Variants in LPIN1 observed in about 807,000 individuals in gnomAD.
LPIN1 encodes the protein phosphatidate phosphatase LPIN1.
Under a neutral mutation model 107.5 loss-of-function variants are expected in LPIN1, and 71 were observed. That is an observed-to-expected ratio of 0.66 (90% confidence interval 0.55 to 0.80). The LOEUF is 0.80. Ranked by LOEUF, LPIN1 falls within the 30% of genes least tolerant of loss-of-function variation. The pLI is 0.00. For missense variants in LPIN1, 1,043 were observed against 1,160.6 expected, an observed-to-expected ratio of 0.90 and a Z score of 1.47; for synonymous variants, 445 against 452.6, an observed-to-expected ratio of 0.98 and a Z score of 0.21.
intron 1 of LPIN1, among the ~76,000 whole-genome samples, chr2:11,710,722 C>T (rs1663363690): frequency 6.6e-6 from 1 of 151,708 alleles, no homozygotes; most frequent in Admixed American, 6.6e-5. Flanking sequence ...AATTTCTTGC[C>T]AAAGGCCACA....
chr2:11,712,885 TAC>T (rs1200766810), intron 1 of LPIN1, among the ~76,000 whole-genome samples: 1 of 152,242 alleles, frequency 6.6e-6, no homozygotes, highest in Admixed American at 6.5e-5. Flanking sequence ...GCATATGTCC[TAC>T]CTGCTAGGAT....
At chr2:11,822,552 A>G (rs929866832) in intron 20 of LPIN1, among the ~76,000 whole-genome samples, 3 of 152,142 alleles carry the variant, frequency 2.0e-5, no homozygotes, top group Non-Finnish European at 2.9e-5. Flanking sequence ...AGGCAGAAAG[A>G]GAGCTCGTGC....
At chr2:11,720,826 G>A (rs1664076702), upstream of LPIN1, among the ~76,000 whole-genome samples, 2 of 151,804 alleles carry the variant, frequency 1.3e-5, no homozygotes, top group African/African-American at 2.4e-5. Flanking sequence ...GCTGTCTCCC[G>A]AGGATGCTGC....
intron 1 of LPIN1, chr2:11,713,697 A>G: frequency 9.9e-7 from 1 of 1,013,058 alleles, no homozygotes; most frequent in Non-Finnish European, 1.5e-6. Flanking sequence ...TGCAACCATT[A>G]CCACCACCTA....
At position 11,826,641 on chromosome 2, in the gene LPIN1, C is replaced by G. The variant is rs1158394754; in HGVS notation, c.*1850C>G. On this transcript the variant is annotated 3_prime_UTR_variant, in exon 21 of 21. Transcript: ENST00000674199. ...TATTTTTGAGTGAATTTTAACTGCTCTGAACTAAGTATAAGCTCATGGGCC... is the reference window on the plus strand; with the variant it reads ...TATTTTTGAGTGAATTTTAACTGCTGTGAACTAAGTATAAGCTCATGGGCC... 6.6e-6 allele frequency: 1 copy of G among 151,780 alleles called. No homozygotes were observed. Among genetic ancestry groups the G allele is most frequent in the African/African-American group, 2.4e-5 (1 of 41,284 alleles). 9.4% of individuals were successfully genotyped at this position (151,780 alleles called of 1,614,324 possible). A position where few individuals can be genotyped will look rare whatever the true frequency, so the allele number is the denominator to read the frequency against.
intron 17 of LPIN1, among the ~76,000 whole-genome samples, chr2:11,810,073 C>CA (rs1679385505): frequency 6.6e-6 from 1 of 152,202 alleles, no homozygotes; most frequent in Non-Finnish European, 1.5e-5. Context: ...AGTCCAAACT[C>CA]AGAGGGAGCC....
intron 14 of LPIN1, 102 bp from the exon 15 acceptor site, chr2:11,802,805 G>C: frequency 7.2e-7 from 1 of 1,392,342 alleles, no homozygotes; most frequent in Non-Finnish European, 1.0e-6. Flanking sequence ...ACGGGACTCA[G>C]GAGAGACTGG....
chr2:11,691,084 GTTTT>G (rs59865645), intron 1 of LPIN1, among the ~76,000 whole-genome samples: 1 of 140,604 alleles, frequency 7.1e-6, no homozygotes, highest in Non-Finnish European at 1.5e-5. Context: ...TCTTGTTGTG[GTTTT>G]TTTTTTTTTT....
At chr2:11,766,648 G>T (rs1670941628) in intron 2 of LPIN1, among the ~76,000 whole-genome samples, 1 of 152,172 alleles carries the variant, frequency 6.6e-6, no homozygotes, top group African/African-American at 2.4e-5. Flanking sequence ...ACCAGCCAAG[G>T]GTGGAGTTTT....
chr2:11,763,979 GTGTGTGTGTA>G, intron 1 of LPIN1, among the ~76,000 whole-genome samples: 1 of 146,608 alleles, frequency 6.8e-6, no homozygotes, highest in East Asian at 2.0e-4. Flanking sequence ...GTGTGTGTGT[GTGTGTGTGTA>G]TATATATATA....
At chr2:11,761,454 G>T (rs555289720) in intron 1 of LPIN1, among the ~76,000 whole-genome samples, 1 of 152,206 alleles carries the variant, frequency 6.6e-6, no homozygotes, top group Non-Finnish European at 1.5e-5. Context: ...GCAGATGTGT[G>T]TTCCTCCTTG....
At chr2:11,819,004 A>G (rs558508749) in intron 18 of LPIN1, 2 of 153,476 alleles carry the variant, frequency 1.3e-5, no homozygotes, top group South Asian at 2.0e-4. Context: ...CCTGGAATAA[A>G]CCCAGCTTTT....
At chr2:11,746,835 A>G (rs1434059068) in intron 1 of LPIN1, among the ~76,000 whole-genome samples, 164 bp downstream of exon 1, 1 of 146,776 alleles carries the variant, frequency 6.8e-6, no homozygotes, top group South Asian at 2.3e-4. Flanking sequence ...GGGGCCCTCT[A>G]CGGGAAGTGG....
intron 13 of LPIN1, 53 bp from the exon 14 acceptor site, chr2:11,795,355 G>T (rs1378972462): frequency 6.7e-5 from 98 of 1,472,316 alleles, no homozygotes; most frequent in Non-Finnish European, 9.0e-5. Flanking sequence ...CCGGCTGTCT[G>T]CAAGCCCCTT....
intron 12 of LPIN1, 170 bp from the exon 13 acceptor site, chr2:11,791,744 G>T: frequency 1.4e-6 from 2 of 1,450,354 alleles, no homozygotes; most frequent in Non-Finnish European, 1.8e-6. Context: ...AATTTTGGAC[G>T]CCATTAGGTT....
intron 1 of LPIN1, among the ~76,000 whole-genome samples, chr2:11,753,135 C>T (rs559553439): frequency 5.9e-5 from 9 of 152,188 alleles, no homozygotes; most frequent in South Asian, 4.2e-4. Context: ...GAGGAGGAGA[C>T]GCCTGCCACT....
At chr2:11,799,432 CCT>C (rs10595593) in intron 14 of LPIN1, among the ~76,000 whole-genome samples, 54,114 of 150,320 alleles carry the variant, frequency 0.36, 11,052 homozygotes, top group African/African-American at 0.56. Flanking sequence ...GGGCCTGTAG[CCT>C]CGTTCTTCTT....
intron 1 of LPIN1, among the ~76,000 whole-genome samples, chr2:11,764,617 G>T (rs74807482): frequency 0.01 from 1,574 of 152,354 alleles, 23 homozygotes; most frequent in African/African-American, 0.035. Context: ...GAGCGCTGGT[G>T]TTCCCTGGAG....
Position 11,803,384 on chromosome 2 carries a change from G to C in LPIN1, c.2013+351G>C, listed in dbSNP as rs1678122529. ...GGTGTTTTTGCTTCAAGAGAGAGATGTTTGTTAACTCAAATGCATCTCTTA... is the reference window on the plus strand; with the variant it reads ...GGTGTTTTTGCTTCAAGAGAGAGATCTTTGTTAACTCAAATGCATCTCTTA... On this transcript the variant is annotated intron_variant, in intron 15 of 20. Coordinates refer to ENST00000674199, the MANE Select transcript of LPIN1 (RefSeq NM_001349206.2). The surrounding 1 kb of genome is among the most constrained non-coding windows in gnomAD (Gnocchi z 4.2). 6.6e-6 allele frequency among the ~76,000 whole-genome samples: 1 copy of C among 152,146 alleles called. No individual in the cohort carries two copies. The highest frequency in any genetic ancestry group is 2.4e-5 in the African/African-American group (1 of 41,440).
Sources: allele counts gnomAD v4.1 joint callset (sites outside exome capture counted in the v4.1 genomes callset), GRCh38; gene constraint gnomAD v4.1.1; non-coding constraint Gnocchi (gnomAD v3.1); transcripts MANE v1.5; gene names NCBI Gene and HGNC (gene_info 2026-07-23, HGNC 2026-07-21).